Variants in C1GALT1 observed in about 807,000 individuals in gnomAD.
C1GALT1 encodes the protein glycoprotein-N-acetylgalactosamine 3-beta-galactosyltransferase 1.
A neutral mutation model predicts 31.0 loss-of-function variants in C1GALT1; 11 were observed. The observed-to-expected ratio is 0.36, with a 90% CI of 0.22 to 0.59. The LOEUF is 0.59. Ranked by LOEUF, C1GALT1 falls within the 20% of genes least tolerant of loss-of-function variation. The pLI is 0.79. For missense variants in C1GALT1, 424 were observed against 425.2 expected, an observed-to-expected ratio of 1.00 and a Z score of 0.03; for synonymous variants, 175 against 143.6, an observed-to-expected ratio of 1.22 and a Z score of -1.56.
chr7:7,164,402 T>C (rs184158763), intron 2 of C1GALT1, among the ~76,000 whole-genome samples: 128 of 152,270 alleles, frequency 8.4e-4, no homozygotes, highest in Non-Finnish European at 1.0e-3. Flanking sequence ...AACCTATTGA[T>C]CTGAGATACC....
chr7:7,175,599 C>G (rs79987027), intron 2 of C1GALT1, among the ~76,000 whole-genome samples: 3,661 of 152,298 alleles, frequency 0.024, 133 homozygotes, highest in African/African-American at 0.083. Context: ...TGTTTTCCAG[C>G]TTTTTCTGCC....
chr7:7,227,503 G>A (rs888591335), intron 1 of C1GALT1, among the ~76,000 whole-genome samples: 4 of 152,056 alleles, frequency 2.6e-5, no homozygotes, highest in Non-Finnish European at 5.9e-5. Flanking sequence ...GGCGGATCAC[G>A]AGGTCGGGAG....
In C1GALT1 at chr7:7,243,761, T is replaced by C. The variant is rs768014718; in HGVS notation, c.*34T>C. On this transcript the variant is annotated 3_prime_UTR_variant, in exon 4 of 4. Transcript: ENST00000436587. Reference sequence around the variant, plus strand: ...CATGAATGAACAAAGGTAATATGTCTAGCACTGCACTGAAAAAGGACTTCT... The same window carrying C: ...CATGAATGAACAAAGGTAATATGTCCAGCACTGCACTGAAAAAGGACTTCT... The C allele has an allele frequency of 3.4e-6, 5 of 1,467,108 alleles. No homozygotes were observed. In the Admixed American group the frequency reaches 1.0e-4, roughly 30 times the overall value. 90.9% of individuals were successfully genotyped at this position (1,467,108 alleles called of 1,614,324 possible). A position where few individuals can be genotyped will look rare whatever the true frequency, so the allele number is the denominator to read the frequency against.
intron 1 of C1GALT1, among the ~76,000 whole-genome samples, chr7:7,185,948 G>A (rs10255843): frequency 0.03 from 4,615 of 152,244 alleles, 244 homozygotes; most frequent in African/African-American, 0.11. Flanking sequence ...TCTGTTTTCT[G>A]TTGCCTCTAG....
intron 2 of C1GALT1, among the ~76,000 whole-genome samples, chr7:7,172,764 C>G (rs1222959049): frequency 6.6e-6 from 1 of 152,188 alleles, no homozygotes; most frequent in African/African-American, 2.4e-5. Context: ...ACATCTCACA[C>G]CAGAGTGGTA....
chr7:7,195,018 A>G (rs1562565385), intron 1 of C1GALT1, among the ~76,000 whole-genome samples: 3 of 152,214 alleles, frequency 2.0e-5, no homozygotes, highest in South Asian at 2.1e-4. Context: ...TCAATCTAAT[A>G]TCTCCATTTC....
intron 2 of C1GALT1, among the ~76,000 whole-genome samples, chr7:7,169,032 T>A (rs1780425732): frequency 6.6e-6 from 1 of 152,168 alleles, no homozygotes; most frequent in African/African-American, 2.4e-5. Flanking sequence ...CACTCCCTTA[T>A]CCCCTCCACC....
At chr7:7,199,989 T>C (rs1781467455) in intron 1 of C1GALT1, among the ~76,000 whole-genome samples, 1 of 152,254 alleles carries the variant, frequency 6.6e-6, no homozygotes, top group African/African-American at 2.4e-5. Context: ...CTTGACTCTT[T>C]ATCCAGTTTG....
chr7:7,189,413 G>C (rs77547581), intron 1 of C1GALT1, among the ~76,000 whole-genome samples: 1 of 152,092 alleles, frequency 6.6e-6, no homozygotes, highest in Admixed American at 6.6e-5. Flanking sequence ...CAGTTTTCTT[G>C]TATCTGTGTC....
upstream of C1GALT1, among the ~76,000 whole-genome samples, chr7:7,179,714 C>G (rs1780548343): frequency 6.6e-6 from 1 of 152,016 alleles, no homozygotes; most frequent in African/African-American, 2.4e-5. Context: ...GTGGATAGTC[C>G]AGACCTGGTA....
intron 1 of C1GALT1, among the ~76,000 whole-genome samples, chr7:7,191,348 C>T (rs1036103008): frequency 3.9e-5 from 6 of 152,110 alleles, no homozygotes; most frequent in African/African-American, 1.4e-4. Context: ...AATACTATTC[C>T]ATTGTATGTA....
intron 1 of C1GALT1, among the ~76,000 whole-genome samples, chr7:7,230,409 A>G (rs970200338): frequency 3.9e-5 from 6 of 152,142 alleles, no homozygotes; most frequent in East Asian, 1.9e-4. Context: ...ATATTTTTCT[A>G]TTATTTTGCT....
intron 1 of C1GALT1, 53 bp from the exon 2 acceptor site, chr7:7,234,250 G>T (rs1783230476): frequency 7.5e-7 from 1 of 1,332,970 alleles, no homozygotes; most frequent in Non-Finnish European, 1.1e-6. Flanking sequence ...TTTTACTCCG[G>T]TTATGTATAC....
At chr7:7,227,525 C>T (rs1782824379) in intron 1 of C1GALT1, among the ~76,000 whole-genome samples, 1 of 151,964 alleles carries the variant, frequency 6.6e-6, no homozygotes, top group Non-Finnish European at 1.5e-5. Flanking sequence ...TCGAGACCAT[C>T]CCGGCTAAAA....
rs1298707289 is a variant in C1GALT1, at chr7:7,234,402, G to A, written c.83G>A (p.Ser28Asn). 1 of 1,613,872 alleles carries A rather than the reference G, an allele frequency of 6.2e-7. No individual in the cohort carries two copies. The highest frequency in any genetic ancestry group is 1.7e-5 in the Admixed American group (1 of 60,026). ...IGFLLCSQLF[S>N]ILLGEKVDTQ... ...TTTCTTTTATGTTCTCAGCTATTTA[G>A]TATTTTGTTGGGAGAAAAGGTTGAC... The change falls in exon 2 of 4, where the codon AGT becomes AAT. Residue 28 changes from serine to asparagine, a missense_variant. This residue lies in a region of C1GALT1 where 189 missense variants were observed against 158.2 expected (regional missense o/e 1.19). Coordinates refer to ENST00000436587, the MANE Select transcript of C1GALT1 (RefSeq NM_020156.5).
chr7:7,170,222 T>C (rs1323821756), intron 2 of C1GALT1, among the ~76,000 whole-genome samples: 1 of 152,224 alleles, frequency 6.6e-6, no homozygotes, highest in African/African-American at 2.4e-5. Context: ...TGATTACTTT[T>C]TTTACAGAGC....
intron 2 of C1GALT1, 131 bp downstream of exon 2, chr7:7,234,670 CAAGAG>C (rs1407317669): frequency 1.1e-5 from 7 of 660,206 alleles, no homozygotes; most frequent in Admixed American, 3.3e-5. Flanking sequence ...TGGTTTGCCT[CAAGAG>C]AAGGGAATTG....
At chr7:7,182,271 G>C (rs1391508750), upstream of C1GALT1, among the ~76,000 whole-genome samples, 2 of 152,146 alleles carry the variant, frequency 1.3e-5, no homozygotes, top group Non-Finnish European at 2.9e-5. Context: ...GCTCCCTATT[G>C]TTACCCTGCT....
In C1GALT1 at chr7:7,183,663, C is replaced by T. The variant is rs1332937835; in HGVS notation, c.-18+843C>T. The T allele has an allele frequency of 8.8e-6, 8 of 906,010 alleles. No homozygotes were observed. The South Asian group carries it at 3.0e-4, about 34-fold the overall frequency. 56.1% of individuals were successfully genotyped at this position (906,010 alleles called of 1,614,324 possible). Reference sequence around the variant, plus strand: ...GGATTTATTCTTTCCTGGTCCTTACCGTCTCCCCACCCCCCACCACCCCGC... The same window carrying T: ...GGATTTATTCTTTCCTGGTCCTTACTGTCTCCCCACCCCCCACCACCCCGC... On this transcript the variant is annotated intron_variant, in intron 1 of 3. Coordinates refer to ENST00000436587, the MANE Select transcript of C1GALT1 (RefSeq NM_020156.5).
Sources: allele counts gnomAD v4.1 joint callset (sites outside exome capture counted in the v4.1 genomes callset), GRCh38; gene constraint gnomAD v4.1.1; regional missense constraint gnomAD v4.1.1; transcripts MANE v1.5; gene names NCBI Gene and HGNC (gene_info 2026-07-23, HGNC 2026-07-21).